Variants in P3H2 observed in about 807,000 individuals in gnomAD.
The protein encoded by P3H2 is prolyl 3-hydroxylase 2.
Under a neutral mutation model 87.0 loss-of-function variants are expected in P3H2, and 80 were observed. The observed-to-expected ratio is 0.92, with a 90% CI of 0.77 to 1.11. The LOEUF is 1.11. Among genes scored for constraint, P3H2 ranks in the 50% least tolerant of loss-of-function variants. The pLI, the probability that P3H2 is intolerant of heterozygous loss-of-function variation, is 0.00. For synonymous variants in P3H2, 367 were observed against 359.3 expected (o/e 1.02, Z -0.24); for missense variants, 1,001 against 923.9 (o/e 1.08, Z -1.08).
chr3:190,082,155 C>G (rs1727064582), intron 1 of P3H2, among the ~76,000 whole-genome samples: 1 of 152,176 alleles, frequency 6.6e-6, no homozygotes, highest in Non-Finnish European at 1.5e-5. Context: ...ACTCAGGAGG[C>G]TGAGGCAGGA....
At chr3:190,090,132 T>C (rs563962719) in intron 1 of P3H2, among the ~76,000 whole-genome samples, 1 of 152,290 alleles carries the variant, frequency 6.6e-6, no homozygotes, top group African/African-American at 2.4e-5. Flanking sequence ...ACCCTTTCCA[T>C]TTCTCATTAT....
intron 1 of P3H2, among the ~76,000 whole-genome samples, chr3:190,091,816 C>T (rs1694960150): frequency 6.6e-6 from 1 of 152,240 alleles, no homozygotes; most frequent in South Asian, 2.1e-4. Context: ...ATGTTACATG[C>T]AAAGAGGCTG....
At chr3:190,072,961 TTAAATCAC>T (rs1726753921) in intron 1 of P3H2, among the ~76,000 whole-genome samples, 1 of 152,244 alleles carries the variant, frequency 6.6e-6, no homozygotes, top group African/African-American at 2.4e-5. Flanking sequence ...AATATCATTC[TTAAATCAC>T]TATTGTAACA....
intron 1 of P3H2, among the ~76,000 whole-genome samples, chr3:190,064,692 A>C (rs1193010481): frequency 6.6e-6 from 1 of 152,180 alleles, no homozygotes; most frequent in Non-Finnish European, 1.5e-5. Flanking sequence ...CTAAATGTAC[A>C]TATTTATAAT....
intron 1 of P3H2, among the ~76,000 whole-genome samples, chr3:190,029,104 C>A (rs1476963672): frequency 6.6e-6 from 1 of 152,122 alleles, no homozygotes; most frequent in Admixed American, 6.6e-5. Flanking sequence ...GTTCTTAAGA[C>A]AATATTTGAT....
At chr3:190,066,158 T>TATATATATATATATAAACACACACAC (rs1256956930) in intron 1 of P3H2, among the ~76,000 whole-genome samples, 2 of 134,600 alleles carry the variant, frequency 1.5e-5, no homozygotes, top group Non-Finnish European at 3.1e-5. Flanking sequence ...TATATATATA[T>TATATATATATATATAAACACACACAC]ACACACACAC....
upstream of P3H2, chr3:190,122,138 G>C (rs753554959): frequency 8.6e-5 from 13 of 150,880 alleles, no homozygotes; most frequent in Middle Eastern, 3.0e-3. Context: ...GGGAGGGGAC[G>C]GGAGAGGAGA....
chr3:189,993,602 C>T (rs1300131210), intron 3 of P3H2, among the ~76,000 whole-genome samples: 1 of 152,002 alleles, frequency 6.6e-6, no homozygotes, highest in Non-Finnish European at 1.5e-5. Flanking sequence ...TAGTTGAAGA[C>T]TACACAAAAG....
chr3:189,976,767 T>C lies in P3H2; in HGVS notation c.1325-2082A>G, dbSNP rs141362638. On this transcript the variant is annotated intron_variant, in intron 8 of 14. Coordinates refer to ENST00000319332, the MANE Select transcript of P3H2 (RefSeq NM_018192.4). ...AGTTGATCCCTTAGATAACCCCTAATTGCTTCTCTTAATTTTTGAAAATTG... is the reference window on the plus strand; with the variant it reads ...AGTTGATCCCTTAGATAACCCCTAACTGCTTCTCTTAATTTTTGAAAATTG... Among the ~76,000 whole-genome samples the C allele has an allele frequency of 9.8e-4, 149 of 152,356 alleles. 1 individual carries two copies. The East Asian group carries it at 0.017, about 17-fold the overall frequency.
chr3:190,069,108 C>T lies in P3H2; in HGVS notation c.480+51144G>A, dbSNP rs144916991. Reference sequence around the variant, plus strand: ...TCCAAGAGAGCCTCACCTATCTGTGCCTTTCACATGGTAAAGTTCAATAAA... The same window carrying T: ...TCCAAGAGAGCCTCACCTATCTGTGTCTTTCACATGGTAAAGTTCAATAAA... On this transcript the variant is annotated intron_variant, in intron 1 of 14. Coordinates refer to ENST00000319332, the MANE Select transcript of P3H2 (RefSeq NM_018192.4). Among the ~76,000 whole-genome samples the T allele has an allele frequency of 4.6e-3, 705 of 152,194 alleles. 4 individuals are homozygous for T. The highest frequency in any genetic ancestry group is 0.015 in the African/African-American group (621 of 41,530).
intron 1 of P3H2, among the ~76,000 whole-genome samples, chr3:189,996,319 G>C (rs965491423): frequency 3.9e-5 from 6 of 152,212 alleles, no homozygotes; most frequent in African/African-American, 1.4e-4. Context: ...CAACATGGAT[G>C]AATCTGGAGG....
chr3:190,043,098 C>T (rs998186028), intron 1 of P3H2, among the ~76,000 whole-genome samples: 1 of 145,216 alleles, frequency 6.9e-6, no homozygotes, highest in Non-Finnish European at 1.5e-5. Flanking sequence ...AGAAATGAAA[C>T]AATTTCAAAA....
chr3:190,009,050 T>C (rs908745033), intron 1 of P3H2, among the ~76,000 whole-genome samples: 2 of 152,140 alleles, frequency 1.3e-5, no homozygotes, highest in Admixed American at 1.3e-4. Context: ...CCTTGATGGA[T>C]AGATGAGATT....
chr3:190,005,552 C>T (rs894625903), intron 1 of P3H2, among the ~76,000 whole-genome samples: 3 of 152,200 alleles, frequency 2.0e-5, no homozygotes, highest in Non-Finnish European at 4.4e-5. Context: ...ACAAACTTAA[C>T]ATTCCACTCA....
intron 1 of P3H2, among the ~76,000 whole-genome samples, chr3:190,088,863 A>G (rs910830936): frequency 1.3e-5 from 2 of 152,136 alleles, no homozygotes; most frequent in Admixed American, 1.3e-4. Context: ...TTCATAAATG[A>G]CCAAACTCCC....
chr3:190,095,339 T>TATAC (rs1727539590), intron 1 of P3H2, among the ~76,000 whole-genome samples: 1 of 130,380 alleles, frequency 7.7e-6, no homozygotes, highest in Non-Finnish European at 1.7e-5. Context: ...TATATATATA[T>TATAC]ATATATATAT....
chr3:190,052,677 ATGTG>A (rs373010894), intron 1 of P3H2, among the ~76,000 whole-genome samples: 7 of 151,198 alleles, frequency 4.6e-5, no homozygotes, highest in Admixed American at 2.6e-4. Flanking sequence ...ATACATATAA[ATGTG>A]TGTGTGTGTA....
At chr3:190,026,832 G>T (rs967119) in intron 1 of P3H2, among the ~76,000 whole-genome samples, 1 of 151,940 alleles carries the variant, frequency 6.6e-6, no homozygotes, top group Non-Finnish European at 1.5e-5. Context: ...AATATCATAC[G>T]GGTATTAGTT....
chr3:190,024,387 A>G (rs1725023462), intron 1 of P3H2, among the ~76,000 whole-genome samples: 1 of 152,026 alleles, frequency 6.6e-6, no homozygotes, highest in South Asian at 2.1e-4. Flanking sequence ...TAGTAAAAAT[A>G]CAAAAATTAG....
Sources: gnomAD v4.1 joint callset for allele counts (sites outside exome capture counted in the v4.1 genomes callset) on GRCh38, gnomAD v4.1.1 for gene constraint, MANE v1.5 for transcripts, NCBI Gene and HGNC (gene_info 2026-07-23, HGNC 2026-07-21) for gene names.